The following CDH12 variants were observed in gnomAD, a reference collection of about 807,000 sequenced individuals.
CDH12 encodes cadherin-12.
In CDH12, 41 loss-of-function variants were observed where a neutral mutation model predicts 74.1. The ratio of observed to expected loss-of-function variants is 0.55; its 90% confidence interval spans 0.43 to 0.72. CDH12 has a LOEUF of 0.72. Among genes scored for constraint, CDH12 ranks in the 30% least tolerant of loss-of-function variants. The probability of loss-of-function intolerance (pLI) is 0.00; values close to 1 mark genes in which losing one functional copy is unlikely to be tolerated. For synonymous variants in CDH12, 399 were observed against 355.0 expected, an observed-to-expected ratio of 1.12 and a Z score of -1.39; for missense variants, 945 against 977.2, an observed-to-expected ratio of 0.97 and a Z score of 0.44.
chr5:22,590,638 A>G (rs1234003779), intron 1 of CDH12, among the ~76,000 whole-genome samples: 1 of 152,186 alleles, frequency 6.6e-6, no homozygotes, highest in South Asian at 2.1e-4. Context: ...GATCTAATAT[A>G]CTTATTTATG....
chr5:22,280,297 A>G (rs554810287), intron 3 of CDH12, among the ~76,000 whole-genome samples: 8 of 152,270 alleles, frequency 5.3e-5, no homozygotes, highest in Admixed American at 2.0e-4. Flanking sequence ...ACACCCTAAC[A>G]TCACAATTAA....
chr5:22,727,533 G>A (rs558933327), intron 1 of CDH12, among the ~76,000 whole-genome samples: 21 of 151,422 alleles, frequency 1.4e-4, no homozygotes, highest in South Asian at 4.2e-4. Context: ...GTCATTACTC[G>A]TTTAGATTTG....
intron 1 of CDH12, among the ~76,000 whole-genome samples, chr5:22,619,958 A>G (rs1737889172): frequency 2.0e-5 from 3 of 152,056 alleles, no homozygotes; most frequent in Non-Finnish European, 4.4e-5. Context: ...AATCCTTTTC[A>G]TGTGGTCATT....
chr5:22,153,173 T>TTTTTC (rs1249135787), intron 4 of CDH12, among the ~76,000 whole-genome samples: 1 of 135,218 alleles, frequency 7.4e-6, no homozygotes, highest in Non-Finnish European at 1.7e-5. Flanking sequence ...TCTTTTCGTT[T>TTTTTC]TTTTCTTTTC....
chr5:22,244,058 C>T (rs1014564856), intron 3 of CDH12, among the ~76,000 whole-genome samples: 93 of 151,642 alleles, frequency 6.1e-4, no homozygotes, highest in Non-Finnish European at 2.8e-4. Context: ...ATTCACTTTC[C>T]AAGGATCTAG....
intron 5 of CDH12, among the ~76,000 whole-genome samples, chr5:21,979,654 C>T (rs1757220963): frequency 6.6e-6 from 1 of 151,998 alleles, no homozygotes. Context: ...CTATTTCCAG[C>T]AGGGATTTTA....
intron 1 of CDH12, among the ~76,000 whole-genome samples, chr5:22,740,244 A>T (rs1184938218): frequency 1.3e-5 from 2 of 152,052 alleles, no homozygotes; most frequent in Non-Finnish European, 2.9e-5. Flanking sequence ...TATACCATTT[A>T]CTTTACATAA....
chr5:21,772,063 G>A (rs1745352105), intron 11 of CDH12, among the ~76,000 whole-genome samples: 1 of 152,142 alleles, frequency 6.6e-6, no homozygotes, highest in South Asian at 2.1e-4. Context: ...CCTGAGCTAA[G>A]TTTTTCAGAT....
rs143183392 is a variant in CDH12 at position 22,634,199 on chromosome 5, T to C, written c.-522-128835A>G. Among the ~76,000 whole-genome samples the C allele has an allele frequency of 1.4e-4, 22 of 152,266 alleles. No homozygotes were observed. The East Asian group carries it at 4.2e-3, about 29-fold the overall frequency. On this transcript the variant is annotated intron_variant, in intron 1 of 14. Transcript: ENST00000382254. ...ATATAAAAATAAACACATGAAAATA[T>C]AGACTATAGACTATAAATAGCAACA...
intron 3 of CDH12, among the ~76,000 whole-genome samples, chr5:22,304,572 T>C (rs546949119): frequency 3.9e-5 from 6 of 152,330 alleles, no homozygotes; most frequent in African/African-American, 1.4e-4. Flanking sequence ...CAAATGCCTA[T>C]ATAGGAGACA....
At chr5:22,710,995 C>A (rs1580913765) in intron 1 of CDH12, among the ~76,000 whole-genome samples, 1 of 151,976 alleles carries the variant, frequency 6.6e-6, no homozygotes, top group Non-Finnish European at 1.5e-5. Flanking sequence ...ATGTCTTGTG[C>A]CAATTAGACT....
intron 3 of CDH12, among the ~76,000 whole-genome samples, chr5:22,381,117 T>A (rs992936826): frequency 3.3e-5 from 5 of 152,086 alleles, no homozygotes; most frequent in Non-Finnish European, 5.9e-5. Flanking sequence ...TTCTTGTAGT[T>A]GATCACAATT....
intron 8 of CDH12, among the ~76,000 whole-genome samples, chr5:21,834,294 A>C (rs1314149562): frequency 6.6e-6 from 1 of 151,896 alleles, no homozygotes; most frequent in Non-Finnish European, 1.5e-5. Context: ...CACACACAAC[A>C]TCAAAGTTCT....
chr5:22,328,598 T>C (rs932425837), intron 3 of CDH12, among the ~76,000 whole-genome samples: 1 of 152,186 alleles, frequency 6.6e-6, no homozygotes, highest in Admixed American at 6.5e-5. Flanking sequence ...AGAAAAGTGG[T>C]TGAATAGCAT....
At chr5:22,760,036 A>C (rs1746125530) in intron 1 of CDH12, among the ~76,000 whole-genome samples, 1 of 152,210 alleles carries the variant, frequency 6.6e-6, no homozygotes, top group African/African-American at 2.4e-5. Context: ...TCATCTGAAA[A>C]TACCTTCACA....
rs202053035 is a variant in CDH12 at position 22,693,159 on chromosome 5, T to C, written c.-523+159899A>G. Among the ~76,000 whole-genome samples the C allele has an allele frequency of 5.9e-5, 9 of 152,288 alleles. No homozygotes were observed. In the East Asian group the frequency reaches 1.7e-3, roughly 29 times the overall value. The stretch of plus-strand genomic sequence containing the variant: ...CACAACCTCTTGCAGCCATGCTTTG[T>C]TTTCTTCTCAGAATTTGCACTACCT... On this transcript the variant is annotated intron_variant, in intron 1 of 14. Coordinates refer to ENST00000382254, the MANE Select transcript of CDH12 (RefSeq NM_004061.5).
At chr5:21,808,490 G>A (rs1457904761) in intron 9 of CDH12, among the ~76,000 whole-genome samples, 2 of 151,868 alleles carry the variant, frequency 1.3e-5, no homozygotes, top group African/African-American at 2.4e-5. Context: ...AAGGAATACC[G>A]TCAATGAACG....
intron 1 of CDH12, among the ~76,000 whole-genome samples, chr5:22,709,239 A>C (rs1743176236): frequency 6.6e-6 from 1 of 152,190 alleles, no homozygotes; most frequent in African/African-American, 2.4e-5. Flanking sequence ...TAATGCAAAC[A>C]AATAATAACC....
intron 6 of CDH12, among the ~76,000 whole-genome samples, chr5:21,922,203 ATTTG>A (rs778861482): frequency 6.6e-6 from 1 of 152,168 alleles, no homozygotes; most frequent in Non-Finnish European, 1.5e-5. Flanking sequence ...AGAAGAATGT[ATTTG>A]TTTATTTCTC....
Sources: allele counts gnomAD v4.1 joint callset (sites outside exome capture counted in the v4.1 genomes callset), GRCh38; gene constraint gnomAD v4.1.1; transcripts MANE v1.5; gene names NCBI Gene and HGNC (gene_info 2026-07-23, HGNC 2026-07-21).